The following KIAA0825 variants were observed in gnomAD, a reference collection of about 807,000 sequenced individuals.
KIAA0825 encodes KIAA0825, also known as uncharacterized protein KIAA0825.
A neutral mutation model predicts 147.6 loss-of-function variants in KIAA0825; 119 were observed. That is an observed-to-expected ratio of 0.81 (90% CI 0.69 to 0.94). The LOEUF is 0.94. Ranked by LOEUF, KIAA0825 falls within the 40% of genes least tolerant of loss-of-function variation. The pLI is 0.00. For synonymous variants in KIAA0825, 470 were observed against 518.1 expected (o/e 0.91, Z 1.26); for missense variants, 1,381 against 1,472.7 (o/e 0.94, Z 1.02).
chr5:94,307,781 T>C (rs1778841717), intron 20 of KIAA0825, among the ~76,000 whole-genome samples: 1 of 151,816 alleles, frequency 6.6e-6, no homozygotes, highest in African/African-American at 2.4e-5. Context: ...TGTCATTTGG[T>C]ACTTATTCCA....
chr5:94,462,418 T>G lies in KIAA0825; in HGVS notation c.2215A>C (p.Ile739Leu). The change falls in exon 12 of 21, where the codon ATT becomes CTT. Residue 739 changes from isoleucine to leucine, a missense_variant. Physicochemically the swap from Ile to Leu is conservative, Grantham distance 5. Transcript: ENST00000682413. ...HCNNLFTTLVILTSPLTELYK... is the reference protein window; with the variant it reads ...HCNNLFTTLVLLTSPLTELYK... ...AATTCTGTTAATGGTGAAGTCAAAA[T>G]GACTAATGTTGTAAACAGATTATTA... The G allele has an allele frequency of 6.8e-7, 1 of 1,465,556 alleles. No homozygotes were observed. The highest frequency in any genetic ancestry group is 9.3e-7 in the Non-Finnish European group (1 of 1,079,952). 90.8% of individuals were successfully genotyped at this position (1,465,556 alleles called of 1,614,324 possible). A position where few individuals can be genotyped will look rare whatever the true frequency, so the allele number is the denominator to read the frequency against.
At chr5:94,492,032 A>T (rs1763793109) in intron 5 of KIAA0825, among the ~76,000 whole-genome samples, 2 of 152,194 alleles carry the variant, frequency 1.3e-5, no homozygotes, top group African/African-American at 4.8e-5. Context: ...AGCCTCATGA[A>T]TGTAAATGAA....
chr5:94,479,639 G>A (rs1395137276), intron 6 of KIAA0825, among the ~76,000 whole-genome samples: 1 of 152,062 alleles, frequency 6.6e-6, no homozygotes, highest in Non-Finnish European at 1.5e-5. Flanking sequence ...TGGATTGTAT[G>A]GTAAAACTAT....
At chr5:94,540,218 G>A (rs1773010991) in intron 2 of KIAA0825, among the ~76,000 whole-genome samples, 1 of 152,218 alleles carries the variant, frequency 6.6e-6, no homozygotes, top group African/African-American at 2.4e-5. Flanking sequence ...GACTTGTGAA[G>A]CTAGTCTTAA....
intron 20 of KIAA0825, among the ~76,000 whole-genome samples, chr5:94,329,444 G>A (rs1781046087): frequency 6.6e-6 from 1 of 152,094 alleles, no homozygotes; most frequent in African/African-American, 2.4e-5. Context: ...ACCTATGCTG[G>A]TGAGATAACT....
intron 20 of KIAA0825, among the ~76,000 whole-genome samples, chr5:94,247,313 G>A (rs1312722308): frequency 6.6e-6 from 1 of 152,072 alleles, no homozygotes; most frequent in Non-Finnish European, 1.5e-5. Context: ...TAATGAATGA[G>A]CATAAAACGT....
intron 15 of KIAA0825, chr5:94,416,395 T>A (rs1264581437): frequency 6.6e-6 from 1 of 152,136 alleles, no homozygotes. Context: ...CTAGGAAATA[T>A]TTTATGAAAA....
chr5:94,293,678 G>A (rs1276762469), intron 20 of KIAA0825, among the ~76,000 whole-genome samples: 1 of 152,126 alleles, frequency 6.6e-6, no homozygotes, highest in African/African-American at 2.4e-5. Context: ...TTAATTTTCT[G>A]TCTCATTGAT....
At chr5:94,280,470 A>G (rs1489700490) in intron 20 of KIAA0825, among the ~76,000 whole-genome samples, 1 of 152,086 alleles carries the variant, frequency 6.6e-6, no homozygotes, top group East Asian at 1.9e-4. Context: ...TTTTGCATAA[A>G]GAGATTTGCC....
rs1467430955 is a variant in KIAA0825 at position 94,615,014 on chromosome 5, T to C, written c.-153+3486A>G. On this transcript the variant is annotated intron_variant, in intron 1 of 20. Transcript: ENST00000682413. ...CAATCCTATGGATCCATTTTACATA[T>C]GAAAACATAAGCTCACAAAGGTTCA... 2.0e-5 allele frequency among the ~76,000 whole-genome samples: 3 copies of C among 150,002 alleles called. No individual in the cohort carries two copies. In the East Asian group the frequency reaches 5.9e-4, roughly 29 times the overall value.
intron 2 of KIAA0825, among the ~76,000 whole-genome samples, chr5:94,543,035 T>C (rs1400889671): frequency 6.6e-6 from 1 of 152,210 alleles, no homozygotes; most frequent in East Asian, 1.9e-4. Flanking sequence ...AAGTAAAGAA[T>C]GTCACTTTCT....
At chr5:94,265,469 T>G (rs1465091569) in intron 20 of KIAA0825, among the ~76,000 whole-genome samples, 1 of 152,186 alleles carries the variant, frequency 6.6e-6, no homozygotes, top group Non-Finnish European at 1.5e-5. Context: ...CTACTAGTAC[T>G]CATTGTATTC....
intron 20 of KIAA0825, among the ~76,000 whole-genome samples, chr5:94,280,896 T>C (rs576651941): frequency 6.6e-6 from 1 of 152,206 alleles, no homozygotes; most frequent in Non-Finnish European, 1.5e-5. Flanking sequence ...GAAACCAAAC[T>C]GTATCAGTGT....
chr5:94,607,610 A>AAAACAAACAAAC (rs746072286), intron 1 of KIAA0825, among the ~76,000 whole-genome samples: 1 of 152,124 alleles, frequency 6.6e-6, no homozygotes, highest in Non-Finnish European at 1.5e-5. Flanking sequence ...GTCCGTCTCC[A>AAAACAAACAAAC]AAACAAACAA....
At chr5:94,197,077 C>G (rs1463766486) in intron 20 of KIAA0825, among the ~76,000 whole-genome samples, 1 of 152,190 alleles carries the variant, frequency 6.6e-6, no homozygotes. Flanking sequence ...TAATTTACAT[C>G]CCCACCAGCA....
chr5:94,373,584 C>G (rs890685546), intron 20 of KIAA0825, among the ~76,000 whole-genome samples: 86 of 151,956 alleles, frequency 5.7e-4, no homozygotes, highest in Admixed American at 4.9e-3. Flanking sequence ...GGAGGAAGCC[C>G]CTTCTAAAAC....
Position 94,515,791 on chromosome 5 carries a change from C to CAAAAAAAAAAAAAAAAAA in KIAA0825, c.970+4456_970+4457insTTTTTTTTTTTTTTTTTT, listed in dbSNP as rs754577018. On this transcript the variant is annotated intron_variant, in intron 5 of 20. Transcript: ENST00000682413. ...TGGGCAACAGAGGGAGACTCTGTCT[C>CAAAAAAAAAAAAAAAAAA]AAAAAAAAAAAAAAAATTAGAGAAA... 1.9e-3 allele frequency among the ~76,000 whole-genome samples: 178 copies of CAAAAAAAAAAAAAAAAAA among 93,516 alleles called. 2 individuals are homozygous for CAAAAAAAAAAAAAAAAAA. Among genetic ancestry groups the CAAAAAAAAAAAAAAAAAA allele is most frequent in the African/African-American group, 6.6e-3 (156 of 23,710 alleles). 61.4% of individuals were successfully genotyped at this position (93,516 alleles called of 152,430 possible).
intron 5 of KIAA0825, among the ~76,000 whole-genome samples, chr5:94,517,903 T>A (rs1767520322): frequency 6.6e-6 from 1 of 152,064 alleles, no homozygotes; most frequent in Non-Finnish European, 1.5e-5. Context: ...TAAGTTTGAA[T>A]CCTGGCTTCA....
intron 3 of KIAA0825, among the ~76,000 whole-genome samples, chr5:94,535,960 T>C (rs959274429): frequency 1.3e-5 from 2 of 152,222 alleles, no homozygotes; most frequent in Admixed American, 6.5e-5. Context: ...TCTGCTTTGC[T>C]ATTTAAAGGG....
Sources: gnomAD v4.1 joint callset for allele counts (sites outside exome capture counted in the v4.1 genomes callset) on GRCh38, gnomAD v4.1.1 for gene constraint, MANE v1.5 for transcripts, NCBI Gene and HGNC (gene_info 2026-07-23, HGNC 2026-07-21) for gene names.